PKIG: variants seen among roughly 807,000 people sequenced by gnomAD.
PKIG encodes cAMP-dependent protein kinase inhibitor gamma, also known as protein kinase (cAMP-dependent, catalytic) inhibitor gamma.
PKIG carries 1 observed loss-of-function variant against 6.8 expected under a neutral mutation model. The ratio of observed to expected loss-of-function variants is 0.15; its 90% CI spans 0.05 to 0.69. The LOEUF (loss-of-function observed/expected upper bound fraction) is 0.69. Ranked by LOEUF, PKIG falls within the 30% of genes least tolerant of loss-of-function variation. The probability of loss-of-function intolerance (pLI) is 0.82; values close to 1 mark genes in which losing one functional copy is unlikely to be tolerated. For missense variants in PKIG, 77 were observed against 104.0 expected (o/e 0.74, Z 1.13); for synonymous variants, 39 against 43.0 (o/e 0.91, Z 0.36).
chr20:44,575,672 C>T (rs935660295), intron 1 of PKIG, among the ~76,000 whole-genome samples: 3 of 152,128 alleles, frequency 2.0e-5, no homozygotes, highest in African/African-American at 7.2e-5. Context: ...GGGCCCTTCA[C>T]GTGTTAGCAT....
At chr20:44,536,289 T>TA (rs1441437193) in intron 1 of PKIG, among the ~76,000 whole-genome samples, 4 of 152,220 alleles carry the variant, frequency 2.6e-5, no homozygotes, top group Non-Finnish European at 5.9e-5. Context: ...ACTAGAAAGG[T>TA]AAGCTGTTTA....
At chr20:44,597,873 AC>A (rs1183402672) in intron 2 of PKIG, among the ~76,000 whole-genome samples, 2 of 152,186 alleles carry the variant, frequency 1.3e-5, no homozygotes, top group Non-Finnish European at 2.9e-5. Flanking sequence ...TACCTCCCTT[AC>A]CCCAGAGCTA....
Position 44,587,642 on chromosome 20 carries a change from G to A in PKIG, c.-93-2155G>A, listed in dbSNP as rs925135155. Among the ~76,000 whole-genome samples the A allele has an allele frequency of 2.6e-5, 4 of 152,008 alleles. No individual in the cohort carries two copies. The South Asian group carries it at 6.2e-4, about 24-fold the overall frequency. ...TTGCAAAATTAGAATATGTTCAAGG[G>A]AAGAAAAGCTAGATAGTACAGAAAA... On this transcript the variant is annotated intron_variant, in intron 1 of 3. Coordinates refer to ENST00000372886, the MANE Select transcript of PKIG (RefSeq NM_001281445.2).
intron 2 of PKIG, among the ~76,000 whole-genome samples, chr20:44,607,333 T>TTG (rs1224072036): frequency 6.9e-6 from 1 of 144,396 alleles, no homozygotes; most frequent in Non-Finnish European, 1.5e-5. Flanking sequence ...GTGTGTGTGT[T>TTG]TGTGTGTGTA....
At chr20:44,567,745 A>C (rs1322818988) in intron 1 of PKIG, among the ~76,000 whole-genome samples, 1 of 152,230 alleles carries the variant, frequency 6.6e-6, no homozygotes, top group East Asian at 1.9e-4. Context: ...AGGATTAAGA[A>C]CAGGAGCAGG....
intron 1 of PKIG, among the ~76,000 whole-genome samples, chr20:44,562,465 G>C (rs2064775346): frequency 6.6e-6 from 1 of 151,838 alleles, no homozygotes; most frequent in African/African-American, 2.4e-5. Context: ...AGCCAGGTGT[G>C]GTGGTGTGTG....
At chr20:44,585,073 A>G (rs561418173) in intron 1 of PKIG, 1 of 152,418 alleles carries the variant, frequency 6.6e-6, no homozygotes, top group South Asian at 2.1e-4. Flanking sequence ...ATTTGGGGTA[A>G]TCAAAAAAGG....
rs947034774 is a variant in PKIG, at chr20:44,557,840, T to TA, written c.-240-24735dup. On this transcript the variant is annotated intron_variant, in intron 1 of 4. Transcript: ENST00000372887. Reference sequence around the variant, plus strand: ...CTCCATCTCAAAAAATAAAAAATAATAAAAAAAAAAGCTGTGGTGGAGTAT... The same window carrying TA: ...CTCCATCTCAAAAAATAAAAAATAATAAAAAAAAAAAGCTGTGGTGGAGTAT... Among the ~76,000 whole-genome samples the TA allele has an allele frequency of 3.0e-3, 443 of 145,480 alleles. 5 individuals carry two copies. Among genetic ancestry groups the TA allele is most frequent in the African/African-American group, 9.8e-3 (387 of 39,688 alleles).
intron 1 of PKIG, among the ~76,000 whole-genome samples, chr20:44,569,550 A>G (rs1423596286): frequency 6.6e-6 from 1 of 152,204 alleles, no homozygotes. Context: ...CCAAAACTGT[A>G]AATAAAATAT....
intron 2 of PKIG, chr20:44,598,972 G>A (rs979335513): frequency 1.1e-4 from 16 of 152,160 alleles, no homozygotes; most frequent in African/African-American, 3.4e-4. Context: ...GTAGAATGTG[G>A]TGGTAGAATC....
chr20:44,560,949 A>T (rs1670594420), intron 1 of PKIG, among the ~76,000 whole-genome samples: 1 of 152,246 alleles, frequency 6.6e-6, no homozygotes, highest in Admixed American at 6.5e-5. Context: ...AGCCATATAC[A>T]ACAAAAGTAT....
intron 2 of PKIG, among the ~76,000 whole-genome samples, chr20:44,607,214 C>A (rs2065170781): frequency 6.6e-6 from 1 of 151,822 alleles, no homozygotes; most frequent in African/African-American, 2.4e-5. Flanking sequence ...ATCATGCAGA[C>A]AATAAAAGGA....
At chr20:44,582,381 G>T (rs982265031), upstream of PKIG, among the ~76,000 whole-genome samples, 1 of 152,150 alleles carries the variant, frequency 6.6e-6, no homozygotes, top group Non-Finnish European at 1.5e-5. Context: ...TTAGGCAAGC[G>T]TGGTGGCCTG....
At chr20:44,600,094 G>C (rs1394993076) in intron 2 of PKIG, among the ~76,000 whole-genome samples, 1 of 152,194 alleles carries the variant, frequency 6.6e-6, no homozygotes, top group Non-Finnish European at 1.5e-5. Context: ...TAGGGAGCAG[G>C]GTTACAGAGA....
At chr20:44,563,460 C>T (rs1472043124) in intron 1 of PKIG, among the ~76,000 whole-genome samples, 1 of 152,036 alleles carries the variant, frequency 6.6e-6, no homozygotes, top group Non-Finnish European at 1.5e-5. Context: ...GTCTAGGTTC[C>T]CAGCTGGGAA....
At chr20:44,618,166 TCG>T in intron 3 of PKIG, 117 bp from the exon 4 acceptor site, 1 of 734,332 alleles carries the variant, frequency 1.4e-6, no homozygotes, top group Non-Finnish European at 2.5e-6. Flanking sequence ...CAGCTCCAGC[TCG>T]TCTTGCTCCC....
At chr20:44,617,441 T>C (rs1014002459) in intron 3 of PKIG, among the ~76,000 whole-genome samples, 5 of 151,762 alleles carry the variant, frequency 3.3e-5, no homozygotes, top group Admixed American at 3.3e-4. Context: ...TGGGTGTGAG[T>C]TTGGCACTCC....
chr20:44,614,796 C>T lies in PKIG; in HGVS notation c.151+89C>T. 2 of 1,364,032 alleles carry T rather than the reference C, an allele frequency of 1.5e-6. No homozygotes were observed. Among genetic ancestry groups the T allele is most frequent in the Non-Finnish European group, 2.0e-6 (2 of 988,862 alleles). 84.5% of individuals were successfully genotyped at this position (1,364,032 alleles called of 1,614,324 possible). A position where few individuals can be genotyped will look rare whatever the true frequency, so the allele number is the denominator to read the frequency against. On this transcript the variant is annotated intron_variant, in intron 3 of 3. Transcript: ENST00000372886. The surrounding 1 kb of genome is among the most constrained non-coding windows in gnomAD (Gnocchi z 4.6). Reference sequence around the variant, plus strand: ...GCCTCCAAGTCCTAGACTGCCCATACTTTCTTAGAGAAGAAACCACATTTA... The same window carrying T: ...GCCTCCAAGTCCTAGACTGCCCATATTTTCTTAGAGAAGAAACCACATTTA...
intron 2 of PKIG, among the ~76,000 whole-genome samples, chr20:44,594,414 C>G (rs1379682549): frequency 2.0e-5 from 3 of 152,200 alleles, no homozygotes; most frequent in Non-Finnish European, 4.4e-5. Context: ...TCTCAACTAT[C>G]ATCCTGTACT....
Sources: gnomAD v4.1 joint callset for allele counts (sites outside exome capture counted in the v4.1 genomes callset) on GRCh38, gnomAD v4.1.1 for gene constraint, Gnocchi (gnomAD v3.1) non-coding constraint, MANE v1.5 for transcripts, NCBI Gene and HGNC (gene_info 2026-07-23, HGNC 2026-07-21) for gene names.